SRM: variants seen among roughly 807,000 people sequenced by gnomAD.
SRM encodes putrescine aminopropyltransferase.
Under a neutral mutation model 39.3 loss-of-function variants are expected in SRM, and 14 were observed. That is an observed-to-expected ratio of 0.36 (90% CI 0.24 to 0.56). The LOEUF (loss-of-function observed/expected upper bound fraction) is 0.56. SRM is among the 20% of genes least tolerant of loss of function. The pLI, the probability that SRM is intolerant of heterozygous loss-of-function variation, is 0.86. For missense variants in SRM, 244 were observed against 409.2 expected (o/e 0.60, Z 3.48); for synonymous variants, 195 against 173.1 (o/e 1.13, Z -0.99).
chr1:11,055,145 G>A, intron 6 of SRM, 61 bp from the exon 7 acceptor site: 1 of 1,503,766 alleles, frequency 6.6e-7, no homozygotes, highest in Non-Finnish European at 8.8e-7. Flanking sequence ...TTTTGAGACG[G>A]AGTCTCACTG....
intron 6 of SRM, 78 bp downstream of exon 6, chr1:11,055,703 C>A: frequency 6.8e-7 from 1 of 1,466,664 alleles, no homozygotes; most frequent in Non-Finnish European, 9.2e-7. Flanking sequence ...GTGTGAGCCA[C>A]CGCGCCCGGC....
At chr1:11,055,265 A>C (rs1337087464) in intron 6 of SRM, 181 bp from the exon 7 acceptor site, 1 of 888,614 alleles carries the variant, frequency 1.1e-6, no homozygotes, top group Non-Finnish European at 1.6e-6. Context: ...ACGCCCGGCT[A>C]ATTTTTTTTT....
In SRM at chr1:11,059,005, C is replaced by T. The variant is rs138436291; in HGVS notation, c.289-113G>A. ...CACGGGCCTCATCTTTTTCTACCCT[C>T]GGAAACGCTTTCGTGCCGGTGTCCC... On this transcript the variant is annotated intron_variant, in intron 2 of 7. Transcript: ENST00000376957. 8 of 1,304,588 alleles carry T rather than the reference C, an allele frequency of 6.1e-6. No homozygotes were observed. In the African/African-American group the frequency reaches 7.4e-5, roughly 12 times the overall value. 80.8% of individuals were successfully genotyped at this position (1,304,588 alleles called of 1,614,324 possible).
intron 6 of SRM, among the ~76,000 whole-genome samples, chr1:11,055,512 T>G (rs1311767598): frequency 2.0e-5 from 3 of 151,908 alleles, no homozygotes; most frequent in African/African-American, 2.4e-5. Flanking sequence ...CCTCCCGGGT[T>G]CACGCCATTC....
In SRM at chr1:11,056,777, C is replaced by T; in HGVS notation, c.382-20G>A. The T allele has an allele frequency of 6.2e-7, 1 of 1,613,672 alleles. No individual in the cohort carries two copies. The highest frequency in any genetic ancestry group is 8.5e-7 in the Non-Finnish European group (1 of 1,179,764). On this transcript the variant is annotated intron_variant, in intron 3 of 7. Coordinates refer to ENST00000376957, the MANE Select transcript of SRM (RefSeq NM_003132.3). ...GACATCCTGGAGGGGATGGGAGGGA[C>T]CAGTCTGGGCCAAGGGGCTGGGGGA...
chr1:11,055,632 G>A, intron 6 of SRM, 149 bp downstream of exon 6: 1 of 792,000 alleles, frequency 1.3e-6, no homozygotes, highest in Non-Finnish European at 2.0e-6. Context: ...AGCCAAGATG[G>A]TCTCGATCTC....
intron 3 of SRM, chr1:11,058,561 CAAAAAAAAA>C: frequency 1.1e-5 from 2 of 181,112 alleles, no homozygotes; most frequent in South Asian, 2.8e-4. Flanking sequence ...AACTCTGTCT[CAAAAAAAAA>C]AAAAAAAAAA....
rs1308631896 is a variant in SRM at position 11,055,683 on chromosome 1, G to C, written c.765+98C>G. The C allele has an allele frequency of 3.9e-6, 5 of 1,297,798 alleles. No homozygotes were observed. The East Asian group carries it at 1.3e-4, about 33-fold the overall frequency. The allele number at this position is 1,297,798 out of a possible 1,614,324, so 80.4% of individuals were successfully genotyped here. On this transcript the variant is annotated intron_variant, in intron 6 of 7. Transcript: ENST00000376957. ...GCCCGCCTCAGCCTCCCAAAGTGCT[G>C]GGATTACAGGTGTGAGCCACCGCGC... is the stretch of plus-strand genomic sequence containing the variant.
chr1:11,056,637 C>T lies in SRM; in HGVS notation c.502G>A (p.Asp168Asn). 1.9e-6 allele frequency: 3 copies of T among 1,614,176 alleles called. No individual in the cohort carries two copies. The highest frequency in any genetic ancestry group is 2.5e-6 in the Non-Finnish European group (3 of 1,180,030). ...TCTGAGGAGTCAGTGATGATCACGT[C>T]GAAGGCATCCTGATTCTGTTTCATG... ...EFMKQNQDAF[D>N]VIITDSSDPM... is the part of the protein sequence containing the mutation. Residue 168 changes from aspartate (D) to asparagine (N), a missense_variant, in exon 4 of 8, where the codon GAC (aspartate) becomes AAC (asparagine). Asp to Asn is a conservative substitution (Grantham distance 23). Coordinates refer to ENST00000376957, the MANE Select transcript of SRM (RefSeq NM_003132.3).
chr1:11,055,702 A>C (rs1638863201), intron 6 of SRM, 79 bp downstream of exon 6: 6 of 1,455,054 alleles, frequency 4.1e-6, no homozygotes, highest in Non-Finnish European at 5.6e-6. Context: ...GGTGTGAGCC[A>C]CCGCGCCCGG....
intron 3 of SRM, 171 bp downstream of exon 3, chr1:11,058,629 C>T (rs931045168): frequency 2.7e-5 from 14 of 520,238 alleles, no homozygotes; most frequent in Non-Finnish European, 4.4e-5. Flanking sequence ...GCCCTCACCA[C>T]CTGCCAGGCC....
intron 3 of SRM, 78 bp downstream of exon 3, chr1:11,058,722 G>T: frequency 7.7e-7 from 1 of 1,299,142 alleles, no homozygotes; most frequent in Non-Finnish European, 1.1e-6. Context: ...GCCTTGCTCG[G>T]GGGTGTGCAG....
chr1:11,056,884 T>C (rs1435751864), intron 3 of SRM, 127 bp from the exon 4 acceptor site: 2 of 932,014 alleles, frequency 2.1e-6, no homozygotes, highest in African/African-American at 3.3e-5. Flanking sequence ...CTTTTTTTTA[T>C]TATTTTTTTT....
At chr1:11,057,864 C>T (rs551144255) in intron 3 of SRM, among the ~76,000 whole-genome samples, 7 of 151,886 alleles carry the variant, frequency 4.6e-5, no homozygotes, top group South Asian at 4.2e-4. Flanking sequence ...TTGCAACTTC[C>T]GCCTCCCGGG....
Position 11,059,918 on chromosome 1 carries a change from GCGGGGCCGT to G in SRM, c.17_25del (p.Asp6_Pro8del). ...GCGGATGGCGGCGGGGCCGGAGGCG[GCGGGGCCGT>G]CGGGGCCGGGCTCCATGGCGGGCGG... is the stretch of plus-strand genomic sequence containing the variant. On this transcript the variant is annotated inframe_deletion, in exon 1 of 8. Transcript: ENST00000376957. 1 of 1,340,498 alleles carries G rather than the reference GCGGGGCCGT, an allele frequency of 7.5e-7. No individual in the cohort carries two copies. The highest frequency in any genetic ancestry group is 9.6e-7 in the Non-Finnish European group (1 of 1,044,674). 83.0% of individuals were successfully genotyped at this position (1,340,498 alleles called of 1,614,324 possible).
intron 3 of SRM, among the ~76,000 whole-genome samples, chr1:11,058,390 T>C (rs1220672646): frequency 6.6e-6 from 1 of 151,646 alleles, no homozygotes; most frequent in Non-Finnish European, 1.5e-5. Flanking sequence ...GGAGAAACCC[T>C]GTCTCTACTA....
chr1:11,054,746 TA>T lies in SRM; in HGVS notation c.*118del. 2 of 1,412,236 alleles carry T rather than the reference TA, an allele frequency of 1.4e-6. No individual in the cohort carries two copies. Among genetic ancestry groups the T allele is most frequent in the Non-Finnish European group, 9.4e-7 (1 of 1,059,644 alleles). 87.5% of individuals were successfully genotyped at this position (1,412,236 alleles called of 1,614,324 possible). A position where few individuals can be genotyped will look rare whatever the true frequency, so the allele number is the denominator to read the frequency against. On this transcript the variant is annotated 3_prime_UTR_variant, in exon 8 of 8. Transcript: ENST00000376957. This position sits in a 1 kb window ranked among gnomAD's most constrained non-coding sequence, Gnocchi z 4.8. ...AGGCCGGGCAGCATTCTGGGGCTTG[TA>T]ACACTTGGTTGGTGGGCGAGAGCCA...
intron 3 of SRM, among the ~76,000 whole-genome samples, chr1:11,058,100 G>C (rs6696980): frequency 0.036 from 5,539 of 152,162 alleles, 262 homozygotes; most frequent in African/African-American, 0.09. Context: ...CCTTTAACTA[G>C]GACATCAGCT....
chr1:11,057,025 T>A (rs1638890720), intron 3 of SRM, among the ~76,000 whole-genome samples: 1 of 151,952 alleles, frequency 6.6e-6, no homozygotes, highest in South Asian at 2.1e-4. Flanking sequence ...ACAAGTGTGT[T>A]CAATCATACT....
Sources: allele counts gnomAD v4.1 joint callset (sites outside exome capture counted in the v4.1 genomes callset), GRCh38; gene constraint gnomAD v4.1.1; non-coding constraint Gnocchi (gnomAD v3.1); transcripts MANE v1.5; gene names NCBI Gene and HGNC (gene_info 2026-07-23, HGNC 2026-07-21).